The following PRKCE variants were observed in gnomAD, a reference collection of about 807,000 sequenced individuals.
PRKCE encodes protein kinase C epsilon.
A neutral mutation model predicts 85.4 loss-of-function variants in PRKCE; 16 were observed. That is an observed-to-expected ratio of 0.19 (90% CI 0.13 to 0.28). The LOEUF is 0.28. PRKCE is among the 10% of genes least tolerant of loss of function. The probability of loss-of-function intolerance (pLI) is 1.00; values close to 1 mark genes in which losing one functional copy is unlikely to be tolerated. For synonymous variants in PRKCE, 388 were observed against 371.5 expected, an observed-to-expected ratio of 1.04 and a Z score of -0.51; for missense variants, 573 against 975.2, an observed-to-expected ratio of 0.59 and a Z score of 5.49.
rs75027866 is a variant in PRKCE, at chr2:46,055,089, C to T, written c.1438-31119C>T. On this transcript the variant is annotated intron_variant, in intron 10 of 14. Coordinates refer to ENST00000306156, the MANE Select transcript of PRKCE (RefSeq NM_005400.3). ...CATTCCTCCTGGACGCCGGACAATA[C>T]AAGTGCCAGGTATGCAGGCGCAAAA... Among the ~76,000 whole-genome samples, 337 of 152,338 alleles carry T rather than the reference C, an allele frequency of 2.2e-3. 1 individual carries two copies. Among genetic ancestry groups the T allele is most frequent in the African/African-American group, 7.3e-3 (303 of 41,572 alleles).
chr2:46,070,172 G>T (rs535506888), intron 10 of PRKCE, among the ~76,000 whole-genome samples: 1 of 152,184 alleles, frequency 6.6e-6, no homozygotes, highest in African/African-American at 2.4e-5. Context: ...AGAAGGCAAG[G>T]GTCCTTTGGT....
At chr2:46,052,856 T>C (rs1708941566) in intron 10 of PRKCE, among the ~76,000 whole-genome samples, 2 of 151,230 alleles carry the variant, frequency 1.3e-5, no homozygotes, top group Non-Finnish European at 3.0e-5. Context: ...ACTTAACCTT[T>C]ATCATCAATT....
intron 11 of PRKCE, among the ~76,000 whole-genome samples, chr2:46,122,328 T>G (rs1673393988): frequency 6.6e-6 from 1 of 152,208 alleles, no homozygotes; most frequent in African/African-American, 2.4e-5. Flanking sequence ...GCCTCCTGGA[T>G]TCAAGTGATT....
chr2:46,146,512 G>A (rs1017989292), intron 12 of PRKCE, among the ~76,000 whole-genome samples: 1 of 152,236 alleles, frequency 6.6e-6, no homozygotes, highest in Non-Finnish European at 1.5e-5. Context: ...TATCCTCAGG[G>A]ATCAGGAAAG....
At chr2:46,049,473 C>T (rs931391885) in intron 10 of PRKCE, among the ~76,000 whole-genome samples, 1 of 152,226 alleles carries the variant, frequency 6.6e-6, no homozygotes, top group Non-Finnish European at 1.5e-5. Flanking sequence ...AAGCCCTTTA[C>T]ACGCACATCT....
At chr2:46,182,559 T>TC (rs892859416) in intron 14 of PRKCE, among the ~76,000 whole-genome samples, 12 of 151,934 alleles carry the variant, frequency 7.9e-5, no homozygotes, top group East Asian at 3.9e-4. Context: ...TTTCTGTGTG[T>TC]CCCCCCCTTC....
rs1686595886 is a variant in PRKCE at position 45,786,251 on chromosome 2, G to C, written c.349-56749G>C. ...GAGTGCTGGGCTTTCCAGGTTGCCT[G>C]TCCAGCGTCTCTGTGTCTCCCTGGC... On this transcript the variant is annotated intron_variant, in intron 1 of 14. Coordinates refer to ENST00000306156, the MANE Select transcript of PRKCE (RefSeq NM_005400.3). This position sits in a 1 kb window ranked among gnomAD's most constrained non-coding sequence, Gnocchi z 5.3. Among the ~76,000 whole-genome samples the C allele has an allele frequency of 6.6e-6, 1 of 152,196 alleles. No homozygotes were observed. Among genetic ancestry groups the C allele is most frequent in the Non-Finnish European group, 1.5e-5 (1 of 68,026 alleles).
At chr2:46,142,450 G>A (rs1395270797) in intron 11 of PRKCE, among the ~76,000 whole-genome samples, 1 of 152,200 alleles carries the variant, frequency 6.6e-6, no homozygotes, top group Non-Finnish European at 1.5e-5. Context: ...CCTGGACTTG[G>A]TTTTATATGG....
At chr2:45,752,783 C>G (rs902560126) in intron 1 of PRKCE, among the ~76,000 whole-genome samples, 1 of 152,178 alleles carries the variant, frequency 6.6e-6, no homozygotes, top group African/African-American at 2.4e-5. Context: ...CTCAGTGTGC[C>G]TGGAGAAGTT....
At chr2:45,683,299 C>T (rs1178476495) in intron 1 of PRKCE, among the ~76,000 whole-genome samples, 1 of 152,180 alleles carries the variant, frequency 6.6e-6, no homozygotes, top group Non-Finnish European at 1.5e-5. Context: ...CTAATTAGCA[C>T]CCCCATAGAC....
intron 11 of PRKCE, among the ~76,000 whole-genome samples, chr2:46,092,501 G>A (rs1670267065): frequency 1.3e-5 from 2 of 152,176 alleles, no homozygotes; most frequent in Admixed American, 6.5e-5. Context: ...GTACTCAGGA[G>A]GTACTTAGAA....
intron 2 of PRKCE, among the ~76,000 whole-genome samples, chr2:45,900,934 C>G (rs1696530388): frequency 6.6e-6 from 1 of 152,120 alleles, no homozygotes; most frequent in Non-Finnish European, 1.5e-5. Context: ...ACACACTTAA[C>G]AAATGAGTAA....
chr2:45,926,445 A>ATGG (rs995254984), intron 2 of PRKCE, among the ~76,000 whole-genome samples: 3 of 152,084 alleles, frequency 2.0e-5, no homozygotes, highest in Non-Finnish European at 2.9e-5. Context: ...ATCTTTTGTT[A>ATGG]TGGTGGTGGT....
chr2:46,066,514 A>G (rs879898054), intron 10 of PRKCE, among the ~76,000 whole-genome samples: 4 of 152,252 alleles, frequency 2.6e-5, no homozygotes, highest in African/African-American at 4.8e-5. Flanking sequence ...ACTTATATTC[A>G]TTTAACAACT....
At chr2:45,658,943 T>G (rs1238167414) in intron 1 of PRKCE, among the ~76,000 whole-genome samples, 1 of 152,244 alleles carries the variant, frequency 6.6e-6, no homozygotes, top group Non-Finnish European at 1.5e-5. Flanking sequence ...AGACAAAGGT[T>G]AATTATTTAT....
At chr2:45,878,125 C>T (rs1298948903) in intron 2 of PRKCE, among the ~76,000 whole-genome samples, 1 of 152,276 alleles carries the variant, frequency 6.6e-6, no homozygotes, top group Non-Finnish European at 1.5e-5. Context: ...TCTTCCCTGG[C>T]AATGCTCATC....
At chr2:45,672,651 C>G (rs77824321) in intron 1 of PRKCE, among the ~76,000 whole-genome samples, 2,232 of 152,276 alleles carry the variant, frequency 0.015, 47 homozygotes, top group African/African-American at 0.051. Flanking sequence ...CTGATAAAAC[C>G]TGAAACTTGT....
intron 2 of PRKCE, among the ~76,000 whole-genome samples, chr2:45,956,197 ATTTG>A (rs779705815): frequency 6.6e-5 from 10 of 152,210 alleles, no homozygotes; most frequent in African/African-American, 1.2e-4. Context: ...CTACACACCA[ATTTG>A]TTTGGTTGTC....
intron 2 of PRKCE, among the ~76,000 whole-genome samples, chr2:45,948,508 G>A (rs1700392490): frequency 6.6e-6 from 1 of 152,154 alleles, no homozygotes; most frequent in African/African-American, 2.4e-5. Flanking sequence ...GCATGGTGGT[G>A]TATGCCTGTA....
Sources: gnomAD v4.1 joint callset for allele counts (sites outside exome capture counted in the v4.1 genomes callset) on GRCh38, gnomAD v4.1.1 for gene constraint, Gnocchi (gnomAD v3.1) non-coding constraint, MANE v1.5 for transcripts, NCBI Gene and HGNC (gene_info 2026-07-23, HGNC 2026-07-21) for gene names.